Variants in SERGEF observed in about 807,000 individuals in gnomAD.
The protein encoded by SERGEF is secretion regulating guanine nucleotide exchange factor, also known as secretion-regulating guanine nucleotide exchange factor.
Under a neutral mutation model 50.0 loss-of-function variants are expected in SERGEF, and 51 were observed. The ratio of observed to expected loss-of-function variants is 1.02; its 90% CI spans 0.81 to 1.29. SERGEF has a LOEUF of 1.29. Among genes scored for constraint, SERGEF ranks in the 50% most tolerant of loss-of-function variants. The pLI, the probability that SERGEF is intolerant of heterozygous loss-of-function variation, is 0.00. For missense variants in SERGEF, 521 were observed against 557.0 expected, an observed-to-expected ratio of 0.94 and a Z score of 0.65; for synonymous variants, 205 against 212.4, an observed-to-expected ratio of 0.97 and a Z score of 0.30.
At chr11:17,801,056 G>A (rs1849659617) in intron 10 of SERGEF, among the ~76,000 whole-genome samples, 1 of 152,028 alleles carries the variant, frequency 6.6e-6, no homozygotes, top group African/African-American at 2.4e-5. Context: ...TTAGCCGGGC[G>A]TGGTGGTGGG....
chr11:17,916,376 T>C (rs12272751), intron 9 of SERGEF, among the ~76,000 whole-genome samples: 4,444 of 152,298 alleles, frequency 0.029, 217 homozygotes, highest in East Asian at 0.18. Context: ...TTCTTAAAAA[T>C]TGGCATTTTG....
chr11:17,858,039 A>C (rs1238618085), intron 10 of SERGEF, among the ~76,000 whole-genome samples: 1 of 152,246 alleles, frequency 6.6e-6, no homozygotes, highest in East Asian at 1.9e-4. Flanking sequence ...TGCCTGCTGC[A>C]GGGAACAGTG....
intron 10 of SERGEF, among the ~76,000 whole-genome samples, chr11:17,837,698 G>A (rs1037090669): frequency 1.2e-4 from 17 of 141,448 alleles, no homozygotes; most frequent in African/African-American, 3.2e-4. Context: ...TTGCTCTGTC[G>A]CCCAAGCTGG....
At chr11:17,965,400 G>C (rs972096181) in intron 8 of SERGEF, among the ~76,000 whole-genome samples, 3 of 152,106 alleles carry the variant, frequency 2.0e-5, no homozygotes, top group African/African-American at 7.2e-5. Flanking sequence ...AGCAGCGTGA[G>C]AACAGACTAA....
chr11:17,794,276 C>G (rs893720191), intron 10 of SERGEF, among the ~76,000 whole-genome samples: 1 of 152,202 alleles, frequency 6.6e-6, no homozygotes, highest in Non-Finnish European at 1.5e-5. Context: ...TCTTCTTTGT[C>G]CCTCTTGCAT....
chr11:17,950,751 C>T (rs1205321711), intron 9 of SERGEF, among the ~76,000 whole-genome samples: 2 of 152,172 alleles, frequency 1.3e-5, no homozygotes, highest in African/African-American at 2.4e-5. Context: ...TCCTCATTGC[C>T]TTCTGTTTTC....
At chr11:17,801,300 TAAG>T (rs989779503) in intron 10 of SERGEF, among the ~76,000 whole-genome samples, 17 of 152,144 alleles carry the variant, frequency 1.1e-4, no homozygotes, top group Non-Finnish European at 1.6e-4. Context: ...GAGAGGGTTT[TAAG>T]CAGGGAATGA....
intron 9 of SERGEF, among the ~76,000 whole-genome samples, chr11:17,899,437 A>G (rs1302243233): frequency 6.6e-6 from 1 of 152,162 alleles, no homozygotes; most frequent in Non-Finnish European, 1.5e-5. Flanking sequence ...AGGTTCCATC[A>G]TTGTTTCTAT....
At chr11:17,795,235 T>C (rs1335378687) in intron 10 of SERGEF, among the ~76,000 whole-genome samples, 1 of 152,158 alleles carries the variant, frequency 6.6e-6, no homozygotes, top group Non-Finnish European at 1.5e-5. Flanking sequence ...GAGACACTTC[T>C]GAGTGTTTAG....
At chr11:17,992,471 G>C (rs1194553347) in intron 7 of SERGEF, among the ~76,000 whole-genome samples, 5 of 152,134 alleles carry the variant, frequency 3.3e-5, no homozygotes, top group Non-Finnish European at 7.4e-5. Flanking sequence ...AAATAGATTA[G>C]ATGGATAAGA....
chr11:17,892,356 C>G (rs892500754), intron 9 of SERGEF, among the ~76,000 whole-genome samples: 4 of 152,146 alleles, frequency 2.6e-5, no homozygotes, highest in Admixed American at 1.3e-4. Flanking sequence ...TATTTATGCT[C>G]ATTTTTGCCT....
At chr11:17,911,368 A>C (rs1164774778) in intron 9 of SERGEF, among the ~76,000 whole-genome samples, 1 of 147,050 alleles carries the variant, frequency 6.8e-6, no homozygotes, top group Non-Finnish European at 1.5e-5. Flanking sequence ...TTATATATTA[A>C]AATATATATA....
chr11:17,867,902 T>C (rs1403269902), intron 10 of SERGEF, among the ~76,000 whole-genome samples: 1 of 152,072 alleles, frequency 6.6e-6, no homozygotes, highest in Non-Finnish European at 1.5e-5. Flanking sequence ...ACAACTGGAG[T>C]GGCTGGGACA....
chr11:17,907,095 C>G (rs942884790), intron 9 of SERGEF, among the ~76,000 whole-genome samples: 1 of 146,224 alleles, frequency 6.8e-6, no homozygotes, highest in African/African-American at 2.6e-5. Flanking sequence ...AAATATCAAA[C>G]TGGATTATCA....
chr11:18,001,314 G>C (rs746822518), intron 4 of SERGEF, among the ~76,000 whole-genome samples: 14 of 152,262 alleles, frequency 9.2e-5, no homozygotes, highest in Non-Finnish European at 1.6e-4. Context: ...TGTGTGGGCT[G>C]GACTTAGTGA....
chr11:18,012,774 TCCCC>T, intron 1 of SERGEF, 173 bp downstream of exon 1: 6 of 1,285,090 alleles, frequency 4.7e-6, no homozygotes, highest in South Asian at 1.3e-5. Context: ...GACCCTTCCT[TCCCC>T]GCCCGCCCGC....
chr11:17,959,717 T>C, intron 8 of SERGEF, 81 bp from the exon 9 acceptor site: 1 of 1,288,952 alleles, frequency 7.8e-7, no homozygotes, highest in Non-Finnish European at 1.1e-6. Context: ...CAAGAGAAAG[T>C]GTGACATTTA....
intron 10 of SERGEF, among the ~76,000 whole-genome samples, chr11:17,837,904 A>G (rs1009115933): frequency 2.6e-5 from 4 of 151,918 alleles, no homozygotes; most frequent in Non-Finnish European, 4.4e-5. Context: ...TGACCTTGTG[A>G]TTCACCCGCC....
chr11:17,898,012 A>C (rs961546149), intron 9 of SERGEF, among the ~76,000 whole-genome samples: 1 of 152,266 alleles, frequency 6.6e-6, no homozygotes, highest in African/African-American at 2.4e-5. Flanking sequence ...GCTATGCTAC[A>C]TAGATTTCTC....
Sources: allele counts gnomAD v4.1 joint callset (sites outside exome capture counted in the v4.1 genomes callset), GRCh38; gene constraint gnomAD v4.1.1; transcripts MANE v1.5; gene names NCBI Gene and HGNC (gene_info 2026-07-23, HGNC 2026-07-21).